Variants in RGL1 observed in about 807,000 individuals in gnomAD.
RGL1 encodes the protein ral guanine nucleotide dissociation stimulator-like 1.
In RGL1, 24 loss-of-function variants were observed where a neutral mutation model predicts 95.2. The observed-to-expected ratio is 0.25, with a 90% CI of 0.18 to 0.35. RGL1 has a LOEUF of 0.35. RGL1 is among the 10% of genes least tolerant of loss of function. The pLI is 1.00. For missense variants in RGL1, 715 were observed against 936.3 expected (o/e 0.76, Z 3.08); for synonymous variants, 329 against 344.9 (o/e 0.95, Z 0.51).
chr1:183,647,769 G>C, intron 1 of RGL1: 2 of 1,614,158 alleles, frequency 1.2e-6, no homozygotes, highest in South Asian at 2.2e-5. Flanking sequence ...TGACCTTCCA[G>C]TGGGAAGCCT....
chr1:183,692,427 A>AT (rs1654002213), intron 1 of RGL1, among the ~76,000 whole-genome samples: 1 of 152,166 alleles, frequency 6.6e-6, no homozygotes. Context: ...AATGAGGCTG[A>AT]TTAAAGGGCA....
intron 16 of RGL1, 88 bp downstream of exon 16, chr1:183,916,789 A>G (rs1572602152): frequency 2.1e-6 from 3 of 1,429,696 alleles, no homozygotes; most frequent in East Asian, 4.6e-5. Flanking sequence ...AGCCCTAAAT[A>G]TGCACACTCA....
intron 2 of RGL1, among the ~76,000 whole-genome samples, chr1:183,788,236 C>T (rs1336986794): frequency 2.0e-5 from 3 of 152,118 alleles, no homozygotes; most frequent in South Asian, 4.2e-4. Context: ...CAACCAGCAG[C>T]GAAATTCAGT....
In RGL1 at chr1:183,728,981, A is replaced by G. The variant is rs1484285597; in HGVS notation, c.-32-13145A>G. 2.0e-5 allele frequency among the ~76,000 whole-genome samples: 3 copies of G among 152,334 alleles called. No homozygotes were observed. In the East Asian group the frequency reaches 5.8e-4, roughly 29 times the overall value. ...TTACTTTATGGTACACAACTGGATAATCTTAAATGTAAATGCTAAAACTAT... is the reference window on the plus strand; with the variant it reads ...TTACTTTATGGTACACAACTGGATAGTCTTAAATGTAAATGCTAAAACTAT... On this transcript the variant is annotated intron_variant, in intron 1 of 18. Coordinates refer to the RGL1 transcript ENST00000304685.
upstream of RGL1, among the ~76,000 whole-genome samples, chr1:183,800,177 T>C (rs745421746): frequency 7.9e-5 from 12 of 152,296 alleles, no homozygotes; most frequent in African/African-American, 9.6e-5. Context: ...TGTCATAATT[T>C]TTATATTTTT....
At chr1:183,914,964 C>T (rs1323780556) in intron 15 of RGL1, among the ~76,000 whole-genome samples, 1 of 152,130 alleles carries the variant, frequency 6.6e-6, no homozygotes, top group Non-Finnish European at 1.5e-5. Context: ...TCAAATTGAG[C>T]CACTAAGTTG....
chr1:183,927,799 G>C lies in RGL1; in HGVS notation c.*1507G>C, dbSNP rs1669697290. 1 of 152,598 alleles carries C rather than the reference G, an allele frequency of 6.6e-6. No individual in the cohort carries two copies. The highest frequency in any genetic ancestry group is 1.5e-5 in the Non-Finnish European group (1 of 68,018). 9.5% of individuals were successfully genotyped at this position (152,598 alleles called of 1,614,324 possible). A position where few individuals can be genotyped will look rare whatever the true frequency, so the allele number is the denominator to read the frequency against. On this transcript the variant is annotated 3_prime_UTR_variant, in exon 18 of 18. Transcript: ENST00000360851. ...GAACAAACCCGGAATATGAAGTGCAGATTGTAACATGGAGCTATTTTTTTT... is the reference window on the plus strand; with the variant it reads ...GAACAAACCCGGAATATGAAGTGCACATTGTAACATGGAGCTATTTTTTTT...
intron 2 of RGL1, among the ~76,000 whole-genome samples, chr1:183,752,300 C>T (rs890051395): frequency 2.6e-5 from 4 of 151,820 alleles, no homozygotes; most frequent in South Asian, 2.1e-4. Flanking sequence ...AATTTGGGCT[C>T]ACTGCAACTT....
intron 1 of RGL1, among the ~76,000 whole-genome samples, chr1:183,671,406 C>G (rs1652441782): frequency 6.6e-6 from 1 of 152,220 alleles, no homozygotes; most frequent in Non-Finnish European, 1.5e-5. Flanking sequence ...CTAAGAACTG[C>G]CAAACTGTTT....
chr1:183,655,307 A>T (rs1423646523), intron 1 of RGL1, among the ~76,000 whole-genome samples: 2 of 152,196 alleles, frequency 1.3e-5, no homozygotes, highest in East Asian at 3.8e-4. Context: ...TTATAAGGCA[A>T]CTTTCTCTTT....
intron 1 of RGL1, among the ~76,000 whole-genome samples, chr1:183,703,427 G>A (rs1368546818): frequency 6.6e-6 from 1 of 152,108 alleles, no homozygotes; most frequent in African/African-American, 2.4e-5. Context: ...GGAGAAACAG[G>A]AGGAGCCCAG....
intron 1 of RGL1, among the ~76,000 whole-genome samples, chr1:183,726,657 T>C (rs1656330009): frequency 6.6e-6 from 1 of 152,142 alleles, no homozygotes; most frequent in African/African-American, 2.4e-5. Context: ...TAGGCCCAGA[T>C]TTATTACCTG....
At chr1:183,661,186 A>G (rs1651594771) in intron 1 of RGL1, among the ~76,000 whole-genome samples, 1 of 152,220 alleles carries the variant, frequency 6.6e-6, no homozygotes, top group Non-Finnish European at 1.5e-5. Context: ...AAGCTAGCAG[A>G]AGGCAAGAAA....
intron 3 of RGL1, among the ~76,000 whole-genome samples, chr1:183,852,962 A>C (rs1050637082): frequency 6.6e-6 from 1 of 152,208 alleles, no homozygotes; most frequent in African/African-American, 2.4e-5. Context: ...AGTTTTCTTC[A>C]GATAGCTGTC....
intron 2 of RGL1, among the ~76,000 whole-genome samples, chr1:183,817,138 G>A (rs574479563): frequency 6.6e-6 from 1 of 152,304 alleles, no homozygotes; most frequent in East Asian, 1.9e-4. Flanking sequence ...GTCCTGGAAA[G>A]TTAACTTTTG....
At chr1:183,672,031 C>A (rs1252723107) in intron 1 of RGL1, among the ~76,000 whole-genome samples, 2 of 151,366 alleles carry the variant, frequency 1.3e-5, no homozygotes, top group Non-Finnish European at 2.9e-5. Context: ...CTCCCAGGTT[C>A]AAGCGATTCT....
intron 2 of RGL1, among the ~76,000 whole-genome samples, chr1:183,808,450 A>G (rs1171060642): frequency 6.6e-6 from 1 of 152,118 alleles, no homozygotes; most frequent in Admixed American, 6.5e-5. Context: ...GCAAGTTCCT[A>G]GGGGCTCTCC....
At chr1:183,652,365 T>TA (rs1180060831) in intron 1 of RGL1, among the ~76,000 whole-genome samples, 1 of 152,218 alleles carries the variant, frequency 6.6e-6, no homozygotes, top group Non-Finnish European at 1.5e-5. Flanking sequence ...GGGAGCTCTG[T>TA]AGTCTCATTC....
intron 1 of RGL1, among the ~76,000 whole-genome samples, chr1:183,660,215 T>C (rs1572238110): frequency 6.6e-6 from 1 of 152,064 alleles, no homozygotes; most frequent in African/African-American, 2.4e-5. Flanking sequence ...CAATATTAAT[T>C]TTAAATGTAA....
Sources: gnomAD v4.1 joint callset for allele counts (sites outside exome capture counted in the v4.1 genomes callset) on GRCh38, gnomAD v4.1.1 for gene constraint, MANE v1.5 for transcripts, NCBI Gene and HGNC (gene_info 2026-07-23, HGNC 2026-07-21) for gene names.